The following CSAD variants were observed in gnomAD, a reference collection of about 807,000 sequenced individuals.
The protein encoded by CSAD is P-selectin cytoplasmic tail-associated protein.
Under a neutral mutation model 61.5 loss-of-function variants are expected in CSAD, and 47 were observed. The observed-to-expected ratio is 0.76, with a 90% CI of 0.60 to 0.97. The LOEUF is 0.97. Ranked by LOEUF, CSAD falls within the 50% of genes least tolerant of loss-of-function variation. CSAD has a pLI of 0.00. For missense variants in CSAD, 611 were observed against 643.6 expected, an observed-to-expected ratio of 0.95 and a Z score of 0.55; for synonymous variants, 245 against 252.7, an observed-to-expected ratio of 0.97 and a Z score of 0.29.
chr12:53,159,260 G>A (rs1272689090), intron 16 of CSAD, among the ~76,000 whole-genome samples: 1 of 152,100 alleles, frequency 6.6e-6, no homozygotes, highest in Admixed American at 6.6e-5. Flanking sequence ...CCTCCAGATG[G>A]CACTTCTAGA....
At chr12:53,171,774 G>T in intron 7 of CSAD, 108 bp downstream of exon 7, 1 of 776,604 alleles carries the variant, frequency 1.3e-6, no homozygotes, top group Non-Finnish European at 2.1e-6. Flanking sequence ...AGCTGGAGAG[G>T]AATCAAAGAG....
At chr12:53,178,496 C>T (rs1017038590) in intron 2 of CSAD, 7 of 368,802 alleles carry the variant, frequency 1.9e-5, no homozygotes, top group African/African-American at 1.5e-4. Flanking sequence ...TATCTTTAAA[C>T]AGAATGAAAA....
At chr12:53,161,569 C>G (rs1418162046) in intron 10 of CSAD, among the ~76,000 whole-genome samples, 180 bp from the exon 11 acceptor site, 1 of 151,794 alleles carries the variant, frequency 6.6e-6, no homozygotes, top group African/African-American at 2.4e-5. Context: ...AAGATCCAAG[C>G]AGAAGCTGCA....
intron 1 of CSAD, chr12:53,179,761 A>G: frequency 6.2e-6 from 10 of 1,604,378 alleles, no homozygotes; most frequent in Non-Finnish European, 8.5e-6. Context: ...TAAAGTCACG[A>G]CATAATATCA....
At chr12:53,178,410 T>C (rs1246804065) in intron 2 of CSAD, 7 of 455,998 alleles carry the variant, frequency 1.5e-5, no homozygotes, top group Non-Finnish European at 3.1e-5. Context: ...GAGGATTCCT[T>C]GAGCCCAGGA....
At chr12:53,171,822 C>T (rs1336322329) in intron 7 of CSAD, 60 bp downstream of exon 7, 13 of 1,102,332 alleles carry the variant, frequency 1.2e-5, no homozygotes, top group Non-Finnish European at 1.5e-5. Flanking sequence ...AGCAAGAGAA[C>T]GGTGGGGGAG....
At chr12:53,180,552 G>A (rs1272469718) in intron 1 of CSAD, 180 bp downstream of exon 1, 5 of 1,280,916 alleles carry the variant, frequency 3.9e-6, no homozygotes, top group Non-Finnish European at 5.1e-6. Flanking sequence ...TCGGCGCACG[G>A]CGCCGCCCAC....
In CSAD at chr12:53,169,681, G is replaced by C. The variant is rs185397422; in HGVS notation, c.702+391C>G. Reference sequence around the variant, plus strand: ...TAGCAGTTACATACCCCTCGAAGTAGAGGAGAGTGCTAATGTCCCCTCATC... The same window carrying C: ...TAGCAGTTACATACCCCTCGAAGTACAGGAGAGTGCTAATGTCCCCTCATC... On this transcript the variant is annotated intron_variant, in intron 10 of 16. Coordinates refer to ENST00000444623, the MANE Select transcript of CSAD (RefSeq NM_001244705.2). Among the ~76,000 whole-genome samples the C allele has an allele frequency of 1.0e-3, 153 of 152,156 alleles. 1 individual carries two copies. Among genetic ancestry groups the C allele is most frequent in the Non-Finnish European group, 1.6e-3 (111 of 68,008 alleles).
intron 16 of CSAD, among the ~76,000 whole-genome samples, chr12:53,159,302 C>T (rs369249554): frequency 2.4e-4 from 37 of 152,156 alleles, no homozygotes; most frequent in African/African-American, 8.7e-4. Context: ...GTCCCTAGCA[C>T]GGGTAATAAG....
At chr12:53,173,201 CTG>C in intron 4 of CSAD, 142 bp downstream of exon 4, 1 of 781,984 alleles carries the variant, frequency 1.3e-6, no homozygotes, top group East Asian at 2.9e-5. Flanking sequence ...GAGCGAGACT[CTG>C]TCAAGAAAGA....
chr12:53,162,849 G>A (rs1289462812), intron 10 of CSAD, among the ~76,000 whole-genome samples: 1 of 151,958 alleles, frequency 6.6e-6, no homozygotes, highest in Non-Finnish European at 1.5e-5. Context: ...ATCACCTGAG[G>A]TCCAGAGTTC....
At chr12:53,165,510 A>T (rs545637589) in intron 10 of CSAD, among the ~76,000 whole-genome samples, 33 of 151,822 alleles carry the variant, frequency 2.2e-4, no homozygotes, top group Non-Finnish European at 4.3e-4. Flanking sequence ...AATACAAAAA[A>T]AAATTAGCTG....
Position 53,158,466 on chromosome 12 carries a change from G to A in CSAD, c.*45C>T. ...GGCTGGGAGGGAATGCAGTGACTCT[G>A]CGGGTGAGGGGTGGTATCAAGGCCG... On this transcript the variant is annotated 3_prime_UTR_variant, in exon 17 of 17. Coordinates refer to ENST00000444623, the MANE Select transcript of CSAD (RefSeq NM_001244705.2). 1.9e-6 allele frequency: 3 copies of A among 1,586,008 alleles called. No homozygotes were observed. Among genetic ancestry groups the A allele is most frequent in the Non-Finnish European group, 2.6e-6 (3 of 1,159,892 alleles).
intron 8 of CSAD, 180 bp from the exon 9 acceptor site, chr12:53,170,682 T>C: frequency 3.2e-6 from 2 of 616,382 alleles, no homozygotes; most frequent in Non-Finnish European, 5.8e-6. Context: ...GTCCACTAGG[T>C]CTGGGGTCTA....
intron 10 of CSAD, among the ~76,000 whole-genome samples, chr12:53,162,991 G>A (rs34888815): frequency 0.058 from 8,851 of 151,812 alleles, 349 homozygotes; most frequent in East Asian, 0.16. Flanking sequence ...AACCCGGGAG[G>A]CGGAGGTTGC....
At chr12:53,171,214 G>A (rs1940538439) in intron 8 of CSAD, 112 bp downstream of exon 8, 1 of 1,519,826 alleles carries the variant, frequency 6.6e-7, no homozygotes, top group Non-Finnish European at 9.0e-7. Flanking sequence ...CCTGGGGGCA[G>A]GCTGGCCTTG....
At chr12:53,173,578 C>A (rs1940852019) in intron 3 of CSAD, 102 bp from the exon 4 acceptor site, 10 of 1,596,346 alleles carry the variant, frequency 6.3e-6, no homozygotes, top group African/African-American at 1.3e-5. Flanking sequence ...CCAAACCCTG[C>A]AGCTCAGTCT....
rs71443288 is a variant in CSAD, at chr12:53,177,623, CTATT to C, written c.-50+1475_-50+1478del. 3.7e-4 allele frequency among the ~76,000 whole-genome samples: 56 copies of C among 151,618 alleles called. 1 individual carries two copies. In the East Asian group the frequency reaches 7.2e-3, roughly 20 times the overall value. On this transcript the variant is annotated intron_variant, in intron 2 of 16. Transcript: ENST00000444623. ...AAGGCAACAAAGCGTGGAGACCCAT[CTATT>C]TATTTATTTATTTATTTATTTATTT...
At chr12:53,179,658 GA>G (rs1941403092) in intron 1 of CSAD, 5 of 883,750 alleles carry the variant, frequency 5.7e-6, no homozygotes, top group Non-Finnish European at 7.1e-6. Flanking sequence ...TCAGGGAAAT[GA>G]AATCTGTCTA....
Sources: gnomAD v4.1 joint callset for allele counts (sites outside exome capture counted in the v4.1 genomes callset) on GRCh38, gnomAD v4.1.1 for gene constraint, MANE v1.5 for transcripts, NCBI Gene and HGNC (gene_info 2026-07-23, HGNC 2026-07-21) for gene names.